KDM1B: variants seen among roughly 807,000 people sequenced by gnomAD.
KDM1B encodes lysine-specific histone demethylase 2.
In KDM1B, 63 loss-of-function variants were observed where a neutral mutation model predicts 107.4. That is an observed-to-expected ratio of 0.59 (90% CI 0.48 to 0.72). The LOEUF (loss-of-function observed/expected upper bound fraction) is 0.72, where lower values mean the gene tolerates loss of function less well. Ranked by LOEUF, KDM1B falls within the 30% of genes least tolerant of loss-of-function variation. The probability of loss-of-function intolerance (pLI) is 0.00; values close to 1 mark genes in which losing one functional copy is unlikely to be tolerated. For missense variants in KDM1B, 749 were observed against 1,020.8 expected (o/e 0.73, Z 3.63); for synonymous variants, 363 against 363.9 (o/e 1.00, Z 0.03).
At chr6:18,190,152 GAA>G (rs70974710) in intron 9 of KDM1B, among the ~76,000 whole-genome samples, 1 of 148,814 alleles carries the variant, frequency 6.7e-6, no homozygotes, top group Non-Finnish European at 1.5e-5. Context: ...TCTGTCTCGA[GAA>G]AAAAAAAAAG....
In KDM1B at chr6:18,212,279, C is replaced by T. The variant is rs73366520; in HGVS notation, c.1867-209C>T. The T allele has an allele frequency of 1.7e-5, 10 of 584,628 alleles. No individual in the cohort carries two copies. Among genetic ancestry groups the T allele is most frequent in the Non-Finnish European group, 3.1e-5 (10 of 324,018 alleles). The allele number at this position is 584,628 out of a possible 1,614,324, so 36.2% of individuals were successfully genotyped here. A position where few individuals can be genotyped will look rare whatever the true frequency, so the allele number is the denominator to read the frequency against. On this transcript the variant is annotated intron_variant, in intron 17 of 21. Transcript: ENST00000650836. The surrounding 1 kb of genome is among the most constrained non-coding windows in gnomAD (Gnocchi z 5.2). ...TCTTCTTATCTAAGATGATTATTCA[C>T]CATCAGGACGTTTTTTGCCCACTCT... is the stretch of plus-strand genomic sequence containing the variant.
chr6:18,208,628 T>TATATATATATATATATATATGTA (rs1491350264), intron 17 of KDM1B, among the ~76,000 whole-genome samples: 1 of 16,238 alleles, frequency 6.2e-5, no homozygotes, highest in African/African-American at 2.5e-4. Context: ...TATATATATA[T>TATATATATATATATATATATGTA]TTTTTTTTTT....
chr6:18,165,846 A>C (rs2328214), intron 5 of KDM1B, among the ~76,000 whole-genome samples: 50,135 of 151,992 alleles, frequency 0.33, 8,479 homozygotes, highest in East Asian at 0.52. Context: ...AAAATAATAA[A>C]AAAATAAAAA....
chr6:18,213,528 C>T lies in KDM1B; in HGVS notation c.1984-128C>T, dbSNP rs893914042. 19 of 806,030 alleles carry T rather than the reference C, an allele frequency of 2.4e-5. No individual in the cohort carries two copies. In the South Asian group the frequency reaches 2.8e-4, roughly 12 times the overall value. The allele number at this position is 806,030 out of a possible 1,614,324, so 49.9% of individuals were successfully genotyped here. A position where few individuals can be genotyped will look rare whatever the true frequency, so the allele number is the denominator to read the frequency against. On this transcript the variant is annotated intron_variant, in intron 18 of 21. Coordinates refer to ENST00000650836, the MANE Select transcript of KDM1B (RefSeq NM_001364614.2). This position sits in a 1 kb window ranked among gnomAD's most constrained non-coding sequence, Gnocchi z 5.9. ...AAGGAGGTGAGGAGAATGGAAAGAG[C>T]GGTATTTGGGGTTGTTCTTTCGGGC...
chr6:18,180,084 G>T (rs1406485895), intron 7 of KDM1B, among the ~76,000 whole-genome samples: 1 of 150,374 alleles, frequency 6.7e-6, no homozygotes, highest in African/African-American at 2.4e-5. Context: ...GTCTTGCCCA[G>T]GGTGAGGCCC....
At chr6:18,207,090 T>C (rs1009492681) in intron 15 of KDM1B, among the ~76,000 whole-genome samples, 1 of 152,216 alleles carries the variant, frequency 6.6e-6, no homozygotes, top group Admixed American at 6.5e-5. Flanking sequence ...TATATGTTGA[T>C]CAAATACAGT....
chr6:18,220,236 T>C (rs1178094784), intron 21 of KDM1B, among the ~76,000 whole-genome samples: 2 of 152,216 alleles, frequency 1.3e-5, no homozygotes, highest in Admixed American at 6.5e-5. Flanking sequence ...TCATCTAAAA[T>C]ATAGTTACCG....
At chr6:18,167,625 T>C (rs1785390300) in intron 6 of KDM1B, among the ~76,000 whole-genome samples, 1 of 151,000 alleles carries the variant, frequency 6.6e-6, no homozygotes, top group Non-Finnish European at 1.5e-5. Context: ...CCGCACATGC[T>C]ACCACGCCCA....
chr6:18,161,595 G>T, intron 4 of KDM1B, 141 bp downstream of exon 4: 3 of 907,000 alleles, frequency 3.3e-6, no homozygotes, highest in Non-Finnish European at 4.9e-6. Context: ...ACATTGCCCA[G>T]ACATTCTGTA....
Position 18,159,994 on chromosome 6 carries a change from T to G in KDM1B, c.87+12T>G, listed in dbSNP as rs1417241437. On this transcript the variant is annotated intron_variant, in intron 3 of 21. Coordinates refer to ENST00000650836, the MANE Select transcript of KDM1B (RefSeq NM_001364614.2). This position sits in a 1 kb window ranked among gnomAD's most constrained non-coding sequence, Gnocchi z 4.5. ...GCTCCGGTAGGCAGGTAGTGTTCAT[T>G]TATTCATTCAACAAGCCTTTTTTGA... The G allele has an allele frequency of 6.4e-7, 1 of 1,564,378 alleles. No homozygotes were observed. The highest frequency in any genetic ancestry group is 1.4e-5 in the African/African-American group (1 of 72,952).
At chr6:18,198,274 C>A (rs1280603606) in intron 12 of KDM1B, among the ~76,000 whole-genome samples, 2 of 151,952 alleles carry the variant, frequency 1.3e-5, no homozygotes, top group Admixed American at 1.3e-4. Flanking sequence ...TAGTTTGAGA[C>A]AGCAAATAGT....
chr6:18,165,863 G>T (rs1460167388), intron 5 of KDM1B, among the ~76,000 whole-genome samples: 1 of 151,978 alleles, frequency 6.6e-6, no homozygotes, highest in Non-Finnish European at 1.5e-5. Flanking sequence ...AAAATATTCG[G>T]AACTGGTTCC....
At position 18,162,440 on chromosome 6, in the gene KDM1B, T is replaced by G. The variant is rs574250837; in HGVS notation, c.216-395T>G. On this transcript the variant is annotated intron_variant, in intron 4 of 21. Coordinates refer to ENST00000650836, the MANE Select transcript of KDM1B (RefSeq NM_001364614.2). The surrounding 1 kb of genome is among the most constrained non-coding windows in gnomAD (Gnocchi z 4.1). Reference sequence around the variant, plus strand: ...GTTTGACAAGTTATCTTTGCCAAATTGCCTGCTTGATGTTCAGATTTCAGC... The same window carrying G: ...GTTTGACAAGTTATCTTTGCCAAATGGCCTGCTTGATGTTCAGATTTCAGC... Among the ~76,000 whole-genome samples, 1 of 152,358 alleles carries G rather than the reference T, an allele frequency of 6.6e-6. No individual in the cohort carries two copies. The highest frequency in any genetic ancestry group is 2.4e-5 in the African/African-American group (1 of 41,582).
At chr6:18,156,212 C>T (rs1285132108) in intron 2 of KDM1B, among the ~76,000 whole-genome samples, 3 of 152,208 alleles carry the variant, frequency 2.0e-5, no homozygotes, top group Non-Finnish European at 2.9e-5. Flanking sequence ...GGGGTAACTC[C>T]TCTGGGATTG....
chr6:18,162,973 A>C lies in KDM1B; in HGVS notation c.305+49A>C, dbSNP rs764531515. ...TTTCCCTGGAGAAGGGGACCGTGGC[A>C]GGGGCAGTGCGTGTGGTCAGCTGAT... On this transcript the variant is annotated intron_variant, in intron 5 of 21. Coordinates refer to ENST00000650836, the MANE Select transcript of KDM1B (RefSeq NM_001364614.2). The surrounding 1 kb of genome is among the most constrained non-coding windows in gnomAD (Gnocchi z 4.1). The C allele has an allele frequency of 3.5e-6, 4 of 1,130,854 alleles. No homozygotes were observed. The South Asian group carries it at 4.9e-5, about 14-fold the overall frequency. The allele number at this position is 1,130,854 out of a possible 1,614,324, so 70.1% of individuals were successfully genotyped here.
rs1789971083 is a variant in KDM1B at position 18,223,689 on chromosome 6, G to A, written c.*1697G>A. Reference sequence around the variant, plus strand: ...ATACTTCATTTGATTTTTTGTTTAAGAAGCCATGGTACTTTTTTCTTGAGT... The same window carrying A: ...ATACTTCATTTGATTTTTTGTTTAAAAAGCCATGGTACTTTTTTCTTGAGT... On this transcript the variant is annotated 3_prime_UTR_variant, in exon 22 of 22. Transcript: ENST00000650836. 6.6e-6 allele frequency: 1 copy of A among 152,074 alleles called. No individual in the cohort carries two copies. Among genetic ancestry groups the A allele is most frequent in the Non-Finnish European group, 1.5e-5 (1 of 68,006 alleles). 9.4% of individuals were successfully genotyped at this position (152,074 alleles called of 1,614,324 possible). A position where few individuals can be genotyped will look rare whatever the true frequency, so the allele number is the denominator to read the frequency against.
At chr6:18,195,577 T>C (rs1346865740) in intron 10 of KDM1B, among the ~76,000 whole-genome samples, 2 of 151,416 alleles carry the variant, frequency 1.3e-5, no homozygotes, top group Non-Finnish European at 2.9e-5. Flanking sequence ...CTACTAAAAA[T>C]ACAAAAAATT....
intron 2 of KDM1B, among the ~76,000 whole-genome samples, chr6:18,158,103 G>T (rs985388309): frequency 6.6e-6 from 1 of 152,032 alleles, no homozygotes; most frequent in African/African-American, 2.4e-5. Flanking sequence ...GTGAGCCACC[G>T]CGCTGGCCGG....
chr6:18,171,265 T>C, intron 6 of KDM1B, 98 bp from the exon 7 acceptor site: 1 of 756,824 alleles, frequency 1.3e-6, no homozygotes, highest in Non-Finnish European at 2.5e-6. Context: ...TACTTAGGAT[T>C]GCTAACAGGT....
Sources: gnomAD v4.1 joint callset for allele counts (sites outside exome capture counted in the v4.1 genomes callset) on GRCh38, gnomAD v4.1.1 for gene constraint, Gnocchi (gnomAD v3.1) non-coding constraint, MANE v1.5 for transcripts, NCBI Gene and HGNC (gene_info 2026-07-23, HGNC 2026-07-21) for gene names.